FHIT: variants seen among roughly 807,000 people sequenced by gnomAD.
The protein encoded by FHIT is bis(5'-adenosyl)-triphosphatase.
A neutral mutation model predicts 17.9 loss-of-function variants in FHIT; 19 were observed. That is an observed-to-expected ratio of 1.06 (90% CI 0.74 to 1.56). The LOEUF (loss-of-function observed/expected upper bound fraction) is 1.56, where lower values mean the gene tolerates loss of function less well. FHIT is among the 40% of genes most tolerant of loss of function. The pLI, the probability that FHIT is intolerant of heterozygous loss-of-function variation, is 0.00. For synonymous variants in FHIT, 81 were observed against 69.7 expected (o/e 1.16, Z -0.81); for missense variants, 248 against 189.2 (o/e 1.31, Z -1.82).
chr3:60,420,783 T>A (rs1702437010), intron 5 of FHIT, among the ~76,000 whole-genome samples: 1 of 152,198 alleles, frequency 6.6e-6, no homozygotes, highest in African/African-American at 2.4e-5. Flanking sequence ...TTATAAATGC[T>A]GCTTCACCTA....
chr3:61,111,217 T>C (rs1432674262), intron 2 of FHIT, among the ~76,000 whole-genome samples: 1 of 152,170 alleles, frequency 6.6e-6, no homozygotes, highest in African/African-American at 2.4e-5. Flanking sequence ...ATCTGTAAAA[T>C]GAATGGCTAC....
At chr3:60,358,995 A>G (rs1485313456) in intron 5 of FHIT, among the ~76,000 whole-genome samples, 1 of 152,184 alleles carries the variant, frequency 6.6e-6, no homozygotes, top group African/African-American at 2.4e-5. Context: ...TACTTGTTCA[A>G]GCAACAGGAC....
intron 5 of FHIT, among the ~76,000 whole-genome samples, chr3:60,166,173 T>C (rs1406519992): frequency 6.8e-6 from 1 of 147,118 alleles, no homozygotes; most frequent in Non-Finnish European, 1.5e-5. Flanking sequence ...TGTTTTTCCA[T>C]AATTTGGGCT....
chr3:60,501,483 C>G (rs564915963), intron 5 of FHIT, among the ~76,000 whole-genome samples: 1 of 152,260 alleles, frequency 6.6e-6, no homozygotes, highest in East Asian at 1.9e-4. Flanking sequence ...TATTATTTCT[C>G]CAAATCTTGA....
Position 59,996,314 on chromosome 3 carries a change from T to A in FHIT, c.279+15057A>T, listed in dbSNP as rs13066381. On this transcript the variant is annotated intron_variant, in intron 7 of 9. Coordinates refer to ENST00000492590, the MANE Select transcript of FHIT (RefSeq NM_002012.4). Reference sequence around the variant, plus strand: ...GAGAGAGACATTTTGCAAACATGGGTAGAATGTGGCTTTGTGACTTGCCTC... The same window carrying A: ...GAGAGAGACATTTTGCAAACATGGGAAGAATGTGGCTTTGTGACTTGCCTC... Among the ~76,000 whole-genome samples the A allele has an allele frequency of 1.3e-4, 19 of 151,866 alleles. No homozygotes were observed. In the East Asian group the frequency reaches 3.5e-3, roughly 28 times the overall value.
chr3:60,003,932 A>C (rs573800988), intron 7 of FHIT, among the ~76,000 whole-genome samples: 24 of 151,826 alleles, frequency 1.6e-4, no homozygotes, highest in Admixed American at 1.4e-3. Context: ...TAAAATTTTG[A>C]AATTAGAATG....
intron 2 of FHIT, among the ~76,000 whole-genome samples, chr3:61,127,819 G>C (rs569037109): frequency 6.6e-6 from 1 of 151,962 alleles, no homozygotes; most frequent in African/African-American, 2.4e-5. Flanking sequence ...GCAGTGAGTC[G>C]AGATCATGCC....
chr3:60,861,612 ATAGTC>A (rs1420110707), intron 3 of FHIT, among the ~76,000 whole-genome samples: 1 of 152,038 alleles, frequency 6.6e-6, no homozygotes, highest in African/African-American at 2.4e-5. Context: ...TAGGATATTG[ATAGTC>A]TAGTCTCTCA....
At chr3:60,529,295 A>G (rs1022637683) in intron 5 of FHIT, among the ~76,000 whole-genome samples, 1 of 152,214 alleles carries the variant, frequency 6.6e-6, no homozygotes, top group Non-Finnish European at 1.5e-5. Context: ...TTTTGTATAT[A>G]TAATAAAAAT....
chr3:60,301,863 G>A (rs1708470630), intron 5 of FHIT, among the ~76,000 whole-genome samples: 1 of 152,068 alleles, frequency 6.6e-6, no homozygotes, highest in African/African-American at 2.4e-5. Context: ...CAATAAAAAT[G>A]CACTCATACA....
At chr3:60,156,849 T>C (rs879270261) in intron 5 of FHIT, among the ~76,000 whole-genome samples, 3 of 152,284 alleles carry the variant, frequency 2.0e-5, no homozygotes, top group African/African-American at 7.2e-5. Flanking sequence ...GAATTGTGAC[T>C]CTGTCCTCTT....
chr3:61,121,907 C>CA (rs771693824), intron 2 of FHIT, among the ~76,000 whole-genome samples: 14 of 151,108 alleles, frequency 9.3e-5, no homozygotes, highest in Non-Finnish European at 1.5e-4. Context: ...AAATGGAAAG[C>CA]AAAAAAAAGC....
intron 4 of FHIT, among the ~76,000 whole-genome samples, chr3:60,634,050 T>C (rs1201656699): frequency 6.6e-6 from 1 of 152,188 alleles, no homozygotes; most frequent in African/African-American, 2.4e-5. Flanking sequence ...GGACTTTGAG[T>C]AACATGAGCC....
chr3:59,925,658 G>A (rs1397738051), intron 7 of FHIT, among the ~76,000 whole-genome samples: 1 of 152,138 alleles, frequency 6.6e-6, no homozygotes, highest in Non-Finnish European at 1.5e-5. Flanking sequence ...CTTGATCACT[G>A]GTAACCACTT....
chr3:61,004,227 T>C (rs947976695), intron 3 of FHIT, among the ~76,000 whole-genome samples: 46 of 152,148 alleles, frequency 3.0e-4, no homozygotes, highest in African/African-American at 2.7e-4. Context: ...ATCCTGCTAA[T>C]GTTAATGGCA....
At chr3:59,751,662 C>G (rs1213640750) in intron 9 of FHIT, 1 of 227,738 alleles carries the variant, frequency 4.4e-6, no homozygotes, top group Non-Finnish European at 8.7e-6. Flanking sequence ...TCTATCAAGC[C>G]TTGACTTTTC....
intron 8 of FHIT, among the ~76,000 whole-genome samples, chr3:59,867,877 C>G (rs528228816): frequency 2.0e-5 from 3 of 151,958 alleles, no homozygotes; most frequent in East Asian, 1.9e-4. Context: ...GCAGAGTACT[C>G]TAATAACCTT....
rs553978087 is a variant in FHIT at position 59,773,484 on chromosome 3, A to C, written c.349-21163T>G. On this transcript the variant is annotated intron_variant, in intron 8 of 9. Coordinates refer to ENST00000492590, the MANE Select transcript of FHIT (RefSeq NM_002012.4). Reference sequence around the variant, plus strand: ...GTTAAGTGGTTGCATGCTTTGACTCACTTAATCGAAAATGTTTTTAAAATC... The same window carrying C: ...GTTAAGTGGTTGCATGCTTTGACTCCCTTAATCGAAAATGTTTTTAAAATC... Among the ~76,000 whole-genome samples, 5 of 152,316 alleles carry C rather than the reference A, an allele frequency of 3.3e-5. No homozygotes were observed. The South Asian group carries it at 8.3e-4, about 25-fold the overall frequency.
chr3:60,319,032 C>T (rs558509794), intron 5 of FHIT, among the ~76,000 whole-genome samples: 9 of 152,238 alleles, frequency 5.9e-5, no homozygotes, highest in Admixed American at 2.6e-4. Context: ...CTGCCTTCCT[C>T]TTCTTACAAA....
Sources: gnomAD v4.1 joint callset for allele counts (sites outside exome capture counted in the v4.1 genomes callset) on GRCh38, gnomAD v4.1.1 for gene constraint, MANE v1.5 for transcripts, NCBI Gene and HGNC (gene_info 2026-07-23, HGNC 2026-07-21) for gene names.